TMEM131: variants seen among roughly 807,000 people sequenced by gnomAD.
TMEM131 encodes 2610524E03Rik.
Under a neutral mutation model 211.6 loss-of-function variants are expected in TMEM131, and 66 were observed. The ratio of observed to expected loss-of-function variants is 0.31; its 90% CI spans 0.26 to 0.38. TMEM131 has a LOEUF of 0.38. Ranked by LOEUF, TMEM131 falls within the 10% of genes least tolerant of loss-of-function variation. The probability of loss-of-function intolerance (pLI) is 1.00; values close to 1 mark genes in which losing one functional copy is unlikely to be tolerated. For synonymous variants in TMEM131, 844 were observed against 841.3 expected, an observed-to-expected ratio of 1.00 and a Z score of -0.06; for missense variants, 2,036 against 2,299.3, an observed-to-expected ratio of 0.89 and a Z score of 2.34.
intron 25 of TMEM131, among the ~76,000 whole-genome samples, chr2:97,801,664 G>GT (rs1428379146): frequency 6.6e-6 from 1 of 152,158 alleles, no homozygotes; most frequent in Non-Finnish European, 1.5e-5. Flanking sequence ...TGGGCTTAAT[G>GT]TTTAATGCCC....
chr2:97,942,293 G>A (rs1446991891), intron 1 of TMEM131, among the ~76,000 whole-genome samples: 91 of 132,254 alleles, frequency 6.9e-4, no homozygotes, highest in African/African-American at 9.0e-4. Context: ...CTTGGACACA[G>A]GGTGGGGAAC....
chr2:97,757,765 A>C (rs1678578591), intron 40 of TMEM131, among the ~76,000 whole-genome samples: 2 of 152,248 alleles, frequency 1.3e-5, no homozygotes, highest in Non-Finnish European at 2.9e-5. Context: ...TTGTAAAGAG[A>C]GTTGTATTGG....
At position 97,781,426 on chromosome 2, in the gene TMEM131, A is replaced by G. The variant is rs532540298; in HGVS notation, c.4145-5408T>C. Among the ~76,000 whole-genome samples the G allele has an allele frequency of 2.5e-4, 38 of 152,352 alleles. 1 individual carries two copies. The South Asian group carries it at 7.3e-3, about 29-fold the overall frequency. Reference sequence around the variant, plus strand: ...AATAAGTAGACTGTAATGCTCTTCTAGGATTAGTGGTTATGACCAATGAGT... The same window carrying G: ...AATAAGTAGACTGTAATGCTCTTCTGGGATTAGTGGTTATGACCAATGAGT... On this transcript the variant is annotated intron_variant, in intron 31 of 40. Transcript: ENST00000186436.
chr2:97,769,076 T>C (rs972649199), intron 33 of TMEM131, among the ~76,000 whole-genome samples: 10 of 149,598 alleles, frequency 6.7e-5, no homozygotes, highest in African/African-American at 1.7e-4. Flanking sequence ...TCCTGGGCTC[T>C]ATGCAGTCTC....
intron 1 of TMEM131, among the ~76,000 whole-genome samples, chr2:97,986,630 C>T (rs191765384): frequency 4.9e-4 from 75 of 152,222 alleles, no homozygotes; most frequent in Non-Finnish European, 1.0e-3. Context: ...ATGAGGTGGA[C>T]CCCTAAATAC....
At chr2:97,783,053 T>G (rs1680090040) in intron 31 of TMEM131, among the ~76,000 whole-genome samples, 1 of 147,798 alleles carries the variant, frequency 6.8e-6, no homozygotes, top group Non-Finnish European at 1.5e-5. Context: ...TTGTGAAAAC[T>G]AAAGACAAAA....
intron 3 of TMEM131, among the ~76,000 whole-genome samples, chr2:97,897,984 A>G (rs753368497): frequency 6.6e-6 from 1 of 152,072 alleles, no homozygotes; most frequent in Non-Finnish European, 1.5e-5. Flanking sequence ...TAAATTGCTG[A>G]ATTTGAGAAT....
At chr2:97,850,062 A>G (rs914400417) in intron 5 of TMEM131, among the ~76,000 whole-genome samples, 5 of 152,060 alleles carry the variant, frequency 3.3e-5, no homozygotes, top group African/African-American at 4.8e-5. Context: ...GGATTCACAG[A>G]ACTGACACTG....
intron 24 of TMEM131, 141 bp from the exon 25 acceptor site, chr2:97,802,102 T>C (rs1681063350): frequency 1.9e-6 from 1 of 536,106 alleles, no homozygotes; most frequent in African/African-American, 2.0e-5. Context: ...TTTATAGCCT[T>C]AAGAAAATTA....
chr2:97,957,644 T>TA (rs567024657), intron 1 of TMEM131, among the ~76,000 whole-genome samples: 457 of 147,912 alleles, frequency 3.1e-3, no homozygotes, highest in African/African-American at 0.01. Context: ...GACATTAGTT[T>TA]AAAAAAAAAA....
chr2:97,805,120 T>A lies in TMEM131; in HGVS notation c.2370A>T (p.Gly790=). 6.2e-7 allele frequency: 1 copy of A among 1,613,624 alleles called. No homozygotes were observed. Among genetic ancestry groups the A allele is most frequent in the Non-Finnish European group, 8.5e-7 (1 of 1,179,716 alleles). Residue 790 remains glycine, a synonymous_variant, in exon 22 of 41, where the codon GGA becomes GGT. Transcript: ENST00000186436. ...CTGAATTTTCCTTTATTCCTGTCCA[T>A]CCCTTGAACAGGCTTTGATGCAAAT... is the stretch of plus-strand genomic sequence containing the variant. The part of the protein sequence containing the change: ...DWDLHQSLFK[G]WTGIKENSGH...
intron 4 of TMEM131, among the ~76,000 whole-genome samples, chr2:97,869,619 C>G (rs558712881): frequency 6.6e-6 from 1 of 152,308 alleles, no homozygotes; most frequent in South Asian, 2.1e-4. Flanking sequence ...TAGCTCTGGG[C>G]AGTCCACACC....
rs1242874424 is a variant in TMEM131 at position 97,762,148 on chromosome 2, G to A, written c.4776C>T (p.Phe1592=). ...TCGGTGAGGTCTGGCGTTGTTTTAAGAAAATGTCTGCGTTGAGGGTTTGCA... is the reference window on the plus strand; with the variant it reads ...TCGGTGAGGTCTGGCGTTGTTTTAAAAAAATGTCTGCGTTGAGGGTTTGCA... ...LSLQTLNADI[F]LKQRQTSPTP... Residue 1592 remains phenylalanine, a synonymous_variant, in exon 36 of 41, where the codon TTC becomes TTT. Transcript: ENST00000186436. The A allele has an allele frequency of 1.2e-6, 2 of 1,614,008 alleles. No individual in the cohort carries two copies. Among genetic ancestry groups the A allele is most frequent in the Admixed American group, 1.7e-5 (1 of 60,022 alleles).
chr2:97,928,398 A>AT (rs1677077808), intron 1 of TMEM131, among the ~76,000 whole-genome samples: 1 of 151,982 alleles, frequency 6.6e-6, no homozygotes, highest in South Asian at 2.1e-4. Flanking sequence ...ATCAAATTGT[A>AT]ATGGTGGATA....
intron 1 of TMEM131, among the ~76,000 whole-genome samples, chr2:97,942,910 C>T (rs970003739): frequency 6.7e-6 from 1 of 149,796 alleles, no homozygotes; most frequent in African/African-American, 2.5e-5. Context: ...TCATTTGAGC[C>T]TAGGAGTTCA....
chr2:97,841,840 T>C lies in TMEM131; in HGVS notation c.698A>G (p.His233Arg), dbSNP rs760723751. 3.1e-6 allele frequency: 5 copies of C among 1,597,626 alleles called. No homozygotes were observed. The highest frequency in any genetic ancestry group is 4.3e-6 in the Non-Finnish European group (5 of 1,171,026). ...NSSFSPIINIHNPHSEPLQVV... is the reference protein window; with the variant it reads ...NSSFSPIINIRNPHSEPLQVV... ...CTGTAAAGGCTCACTGTGAGGATTG[T>C]GGATGTTTATTATAGGTGAGAAACT... The change falls in exon 7 of 41, where the codon CAC becomes CGC. Residue 233 changes from histidine (H) to arginine (R), a missense_variant. By Grantham distance (29) the His-to-Arg change is conservative. This residue lies in a region of TMEM131 where 277 missense variants were observed against 378.0 expected (regional missense o/e 0.73). Coordinates refer to ENST00000186436, the MANE Select transcript of TMEM131 (RefSeq NM_015348.2).
At chr2:97,988,830 A>AGAACC (rs1365864693) in intron 1 of TMEM131, among the ~76,000 whole-genome samples, 1 of 152,250 alleles carries the variant, frequency 6.6e-6, no homozygotes, top group Non-Finnish European at 1.5e-5. Flanking sequence ...GAGATTATGC[A>AGAACC]ACCACTATGG....
chr2:97,916,890 C>T (rs922601415), intron 2 of TMEM131, among the ~76,000 whole-genome samples: 1 of 152,106 alleles, frequency 6.6e-6, no homozygotes, highest in Non-Finnish European at 1.5e-5. Context: ...TAGAAGAGTA[C>T]CTGACTTGTC....
intron 7 of TMEM131, among the ~76,000 whole-genome samples, chr2:97,841,193 G>A (rs9973490): frequency 0.27 from 41,648 of 152,052 alleles, 6,271 homozygotes; most frequent in Middle Eastern, 0.37. Flanking sequence ...TAAGTCCCTA[G>A]GATGTAAGGT....
Sources: gnomAD v4.1 joint callset for allele counts (sites outside exome capture counted in the v4.1 genomes callset) on GRCh38, gnomAD v4.1.1 for gene constraint, gnomAD v4.1.1 regional missense constraint, MANE v1.5 for transcripts, NCBI Gene and HGNC (gene_info 2026-07-23, HGNC 2026-07-21) for gene names.